The following MICALL1 variants were observed in gnomAD, a reference collection of about 807,000 sequenced individuals.
The protein encoded by MICALL1 is MICAL like 1.
A neutral mutation model predicts 83.7 loss-of-function variants in MICALL1; 61 were observed. The observed-to-expected ratio is 0.73, with a 90% CI of 0.59 to 0.90. The LOEUF (loss-of-function observed/expected upper bound fraction) is 0.90, where lower values mean the gene tolerates loss of function less well. Among genes scored for constraint, MICALL1 ranks in the 40% least tolerant of loss-of-function variants. MICALL1 has a pLI of 0.00. For synonymous variants in MICALL1, 481 were observed against 473.6 expected, an observed-to-expected ratio of 1.02 and a Z score of -0.20; for missense variants, 1,066 against 1,152.0, an observed-to-expected ratio of 0.93 and a Z score of 1.08.
At chr22:37,922,786 G>T (rs867477158) in intron 6 of MICALL1, among the ~76,000 whole-genome samples, 3,319 of 83,428 alleles carry the variant, frequency 0.04, 47 homozygotes, top group African/African-American at 0.047. Context: ...ATTTTGTTTT[G>T]TTTTTTTTTG....
At chr22:37,915,821 A>G (rs1453165703) in intron 3 of MICALL1, among the ~76,000 whole-genome samples, 1 of 151,556 alleles carries the variant, frequency 6.6e-6, no homozygotes, top group East Asian at 1.9e-4. Flanking sequence ...TAATTTTTGT[A>G]TTTTTAGTAG....
rs778739570 is a variant in MICALL1 at position 37,922,300 on chromosome 22, C to T, written c.898C>T (p.Arg300Cys). Residue 300 changes from arginine (R) to cysteine (C), a missense_variant, in exon 6 of 16, where the codon CGC (arginine) becomes TGC (cysteine). Coordinates refer to ENST00000215957, the MANE Select transcript of MICALL1 (RefSeq NM_033386.4). ...LQELASPPAG[R>C]PTPAPRKASE... ...GGAGCTGGCCAGCCCCCCTGCGGGC[C>T]GCCCCACCCCTGCCCCCAGGAAGGC... 173 of 1,546,428 alleles carry T rather than the reference C, an allele frequency of 1.1e-4. No homozygotes were observed. Among genetic ancestry groups the T allele is most frequent in the Non-Finnish European group, 1.4e-4 (155 of 1,146,534 alleles).
At chr22:37,940,677 CT>C in intron 15 of MICALL1, 31 bp from the exon 16 acceptor site, 1 of 1,611,710 alleles carries the variant, frequency 6.2e-7, no homozygotes, top group Non-Finnish European at 8.5e-7. Context: ...CTCTTCTCCA[CT>C]TTATTAAGTG....
intron 1 of MICALL1, among the ~76,000 whole-genome samples, chr22:37,911,011 G>A (rs1928286224): frequency 2.0e-5 from 3 of 152,350 alleles, no homozygotes; most frequent in Non-Finnish European, 4.4e-5. Flanking sequence ...AAGGCTGCAT[G>A]CGGATGCACC....
intron 13 of MICALL1, among the ~76,000 whole-genome samples, chr22:37,936,815 C>T (rs1930148781): frequency 6.6e-6 from 1 of 151,990 alleles, no homozygotes; most frequent in South Asian, 2.1e-4. Flanking sequence ...TGGCGTGAAC[C>T]CGGGAGGCGG....
In MICALL1 at chr22:37,914,399, G is replaced by A. The variant is rs1401940123; in HGVS notation, c.337+1907G>A. Among the ~76,000 whole-genome samples, 6 of 150,580 alleles carry A rather than the reference G, an allele frequency of 4.0e-5. No homozygotes were observed. In the East Asian group the frequency reaches 1.2e-3, roughly 29 times the overall value. On this transcript the variant is annotated intron_variant, in intron 3 of 15. Coordinates refer to ENST00000215957, the MANE Select transcript of MICALL1 (RefSeq NM_033386.4). ...CCGCCACCACACCCGGCTAATTTTTGTAGTTTTAGTAGAGACGGGGTTTCA... is the reference window on the plus strand; with the variant it reads ...CCGCCACCACACCCGGCTAATTTTTATAGTTTTAGTAGAGACGGGGTTTCA...
chr22:37,912,473 C>T lies in MICALL1; in HGVS notation c.318C>T (p.His106=), dbSNP rs769387761. The T allele has an allele frequency of 9.9e-6, 16 of 1,612,184 alleles. No individual in the cohort carries two copies. Among genetic ancestry groups the T allele is most frequent in the African/African-American group, 2.7e-5 (2 of 74,906 alleles). Residue 106 remains histidine, a synonymous_variant, in exon 3 of 16, where the codon CAC becomes CAT. Coordinates refer to ENST00000215957, the MANE Select transcript of MICALL1 (RefSeq NM_033386.4). ...CCTATGTGTCCCAGTATTACAACCA[C>T]TTCTGCAGTCCTGGCCAAGGTGAGA... is the stretch of plus-strand genomic sequence containing the variant. ...IMTYVSQYYN[H]FCSPGQAGVS... is the part of the protein sequence containing the mutation.
chr22:37,934,076 CCA>C (rs1218523896), intron 13 of MICALL1, among the ~76,000 whole-genome samples: 1 of 152,240 alleles, frequency 6.6e-6, no homozygotes, highest in Non-Finnish European at 1.5e-5. Flanking sequence ...CCACTCAGAG[CCA>C]CAGCGGCGCC....
In MICALL1 at chr22:37,927,645, TG is replaced by T. The variant is rs1393109095; in HGVS notation, c.1702del (p.Glu568SerfsTer59). 6.2e-7 allele frequency: 1 copy of T among 1,614,162 alleles called. No homozygotes were observed. Among genetic ancestry groups the T allele is most frequent in the Non-Finnish European group, 8.5e-7 (1 of 1,180,020 alleles). On this transcript the variant is annotated frameshift_variant, in exon 9 of 16. Transcript: ENST00000215957. LOFTEE classifies it high-confidence loss of function. ...TCCCTGGCCTCCTCTGGGGAACTAG[TG>T]GAGCCTAGAGTGGAACAAATGCCTC... The part of the protein sequence containing the change: ...NSSLASSGEL[V>X]EPRVEQMPQA...
At chr22:37,915,095 A>T (rs1928594196) in intron 3 of MICALL1, among the ~76,000 whole-genome samples, 2 of 152,022 alleles carry the variant, frequency 1.3e-5, no homozygotes, top group Admixed American at 1.3e-4. Flanking sequence ...AAATAAAAAT[A>T]AAAAAATTAA....
chr22:37,915,668 CAG>C (rs1187101115), intron 3 of MICALL1, among the ~76,000 whole-genome samples: 7 of 135,264 alleles, frequency 5.2e-5, no homozygotes, highest in Admixed American at 3.2e-4. Flanking sequence ...TTTTTTGAGA[CAG>C]AGTCTCGCTG....
rs1420933991 is a variant in MICALL1 at position 37,917,732 on chromosome 22, C to T, written c.363C>T (p.Gly121=). Residue 121 remains glycine, a synonymous_variant, in exon 4 of 16, where the codon GGC becomes GGT. Transcript: ENST00000215957. The part of the protein sequence containing the change: ...GQAGVSPPRK[G]LAPCSPPSVA... Reference sequence around the variant, plus strand: ...CTGGTGTCTCGCCACCCAGAAAGGGCCTTGCACCCTGTTCCCCGCCGTCTG... The same window carrying T: ...CTGGTGTCTCGCCACCCAGAAAGGGTCTTGCACCCTGTTCCCCGCCGTCTG... The T allele has an allele frequency of 1.2e-6, 2 of 1,613,894 alleles. No homozygotes were observed. The highest frequency in any genetic ancestry group is 1.1e-5 in the South Asian group (1 of 91,072).
Position 37,922,300 on chromosome 22 carries a change from C to G in MICALL1, c.898C>G (p.Arg300Gly). The G allele has an allele frequency of 6.5e-7, 1 of 1,546,548 alleles. No individual in the cohort carries two copies. The highest frequency in any genetic ancestry group is 2.4e-5 in the East Asian group (1 of 41,534). Residue 300 changes from arginine (R) to glycine (G), a missense_variant, in exon 6 of 16, where the codon CGC (arginine) becomes GGC (glycine). By Grantham distance (125) the Arg-to-Gly change is moderately radical (BLOSUM62 -2). Coordinates refer to ENST00000215957, the MANE Select transcript of MICALL1 (RefSeq NM_033386.4). ...GGAGCTGGCCAGCCCCCCTGCGGGC[C>G]GCCCCACCCCTGCCCCCAGGAAGGC... ...LQELASPPAGRPTPAPRKASE... is the reference protein window; with the variant it reads ...LQELASPPAGGPTPAPRKASE...
intron 1 of MICALL1, among the ~76,000 whole-genome samples, chr22:37,908,078 G>A (rs995454676): frequency 6.6e-6 from 1 of 152,070 alleles, no homozygotes; most frequent in Non-Finnish European, 1.5e-5. Flanking sequence ...GAGCCTGGTG[G>A]CATCAAAGTA....
intron 4 of MICALL1, 120 bp downstream of exon 4, chr22:37,917,915 G>A (rs2145897785): frequency 4.5e-6 from 4 of 886,302 alleles, no homozygotes; most frequent in East Asian, 2.8e-5. Flanking sequence ...TTCAGAGGGT[G>A]CTTGTTCTCT....
At chr22:37,933,774 G>C (rs929005745) in intron 13 of MICALL1, among the ~76,000 whole-genome samples, 23 of 152,212 alleles carry the variant, frequency 1.5e-4, no homozygotes, top group African/African-American at 5.5e-4. Flanking sequence ...TATGGCTCAG[G>C]CATGGTGCCA....
chr22:37,933,026 T>C lies in MICALL1; in HGVS notation c.2235-13T>C, dbSNP rs1412259500. 5 of 1,613,868 alleles carry C rather than the reference T, an allele frequency of 3.1e-6. No homozygotes were observed. Among genetic ancestry groups the C allele is most frequent in the Non-Finnish European group, 4.2e-6 (5 of 1,179,988 alleles). The stretch of plus-strand genomic sequence containing the variant: ...GGCAGAATTGTTAAGAGTCACCTTA[T>C]TCCCACCCCTAGCTTCAAGCAGCAG... On this transcript the variant is annotated splice_polypyrimidine_tract_variant and intron_variant, in intron 12 of 15. Coordinates refer to ENST00000215957, the MANE Select transcript of MICALL1 (RefSeq NM_033386.4).
At chr22:37,914,999 T>C (rs1182632719) in intron 3 of MICALL1, among the ~76,000 whole-genome samples, 1 of 150,546 alleles carries the variant, frequency 6.6e-6, no homozygotes, top group Admixed American at 6.6e-5. Context: ...GGCTCATGCC[T>C]GTAATCCCAG....
In MICALL1 at chr22:37,932,731, C is replaced by G. The variant is rs764054527; in HGVS notation, c.2143+52C>G. 2 of 1,612,488 alleles carry G rather than the reference C, an allele frequency of 1.2e-6. No homozygotes were observed. Among genetic ancestry groups the G allele is most frequent in the South Asian group, 1.1e-5 (1 of 90,998 alleles). On this transcript the variant is annotated intron_variant, in intron 11 of 15. Transcript: ENST00000215957. The surrounding 1 kb of genome is among the most constrained non-coding windows in gnomAD (Gnocchi z 4.4). ...TGGGTGGGGCTGGGGGCAGGAGCCT[C>G]TATTCCCCGGGGAACTGAGCCAGGC...
Sources: gnomAD v4.1 joint callset for allele counts (sites outside exome capture counted in the v4.1 genomes callset) on GRCh38, gnomAD v4.1.1 for gene constraint, Gnocchi (gnomAD v3.1) non-coding constraint, MANE v1.5 for transcripts, NCBI Gene and HGNC (gene_info 2026-07-23, HGNC 2026-07-21) for gene names.